Variants in PARL observed in about 807,000 individuals in gnomAD.
The protein encoded by PARL is presenilin associated rhomboid like, also known as presenilin-associated rhomboid-like protein, mitochondrial.
A neutral mutation model predicts 51.6 loss-of-function variants in PARL; 44 were observed. The observed-to-expected ratio is 0.85, with a 90% CI of 0.67 to 1.10. PARL has a LOEUF of 1.10. Among genes scored for constraint, PARL ranks in the 50% least tolerant of loss-of-function variants. The pLI is 0.00. For missense variants in PARL, 441 were observed against 469.5 expected (o/e 0.94, Z 0.56); for synonymous variants, 172 against 164.0 (o/e 1.05, Z -0.37).
intron 1 of PARL, among the ~76,000 whole-genome samples, chr3:183,882,404 C>T (rs372990166): frequency 5.7e-5 from 6 of 105,710 alleles, no homozygotes; most frequent in South Asian, 3.2e-4. Flanking sequence ...CACATATACA[C>T]ACACATATAT....
chr3:183,861,720 A>G (rs545471700), intron 4 of PARL, among the ~76,000 whole-genome samples: 9 of 152,342 alleles, frequency 5.9e-5, no homozygotes, highest in South Asian at 2.1e-4. Flanking sequence ...AGCAAAAGCA[A>G]TATTTTGCAA....
chr3:183,842,385 C>T lies in PARL; in HGVS notation c.670G>A (p.Ala224Thr), dbSNP rs141197365. The change falls in exon 6 of 10, where the codon GCA becomes ACA. Residue 224 changes from alanine to threonine, a missense_variant. Ala to Thr is a moderately conservative substitution (Grantham distance 58). Transcript: ENST00000317096. Reference sequence around the variant, plus strand: ...AAGCTCCACAAAACATACATATTTGCTGCCATGTGAAATAAGGAGAAATGA... The same window carrying T: ...AAGCTCCACAAAACATACATATTTGTTGCCATGTGAAATAAGGAGAAATGA... ...FSHFSLFHMAANMYVLWSFSS... is the reference protein window; with the variant it reads ...FSHFSLFHMATNMYVLWSFSS... 176 of 1,613,364 alleles carry T rather than the reference C, an allele frequency of 1.1e-4. No homozygotes were observed. In the South Asian group the frequency reaches 1.4e-3, roughly 12 times the overall value.
intron 1 of PARL, among the ~76,000 whole-genome samples, chr3:183,881,054 G>T (rs1358956672): frequency 6.6e-6 from 1 of 151,244 alleles, no homozygotes; most frequent in Non-Finnish European, 1.5e-5. Flanking sequence ...AGACTCAAGT[G>T]ATCTTCCTGC....
chr3:183,832,678 C>T (rs1246349471), intron 9 of PARL, among the ~76,000 whole-genome samples: 2 of 152,168 alleles, frequency 1.3e-5, no homozygotes, highest in Non-Finnish European at 2.9e-5. Flanking sequence ...ATCAGATGGA[C>T]GCCAAGAGTC....
At position 183,833,711 on chromosome 3, in the gene PARL, TA is replaced by T; in HGVS notation, c.930+12del. 1 of 1,575,666 alleles carries T rather than the reference TA, an allele frequency of 6.3e-7. No individual in the cohort carries two copies. The highest frequency in any genetic ancestry group is 8.7e-7 in the Non-Finnish European group (1 of 1,144,942). On this transcript the variant is annotated intron_variant, in intron 8 of 9. Coordinates refer to ENST00000317096, the MANE Select transcript of PARL (RefSeq NM_018622.7). ...CCACTATCCCCAGCACTGCACTTCA[TA>T]AAAATACTTACATTCCCTGCTGTGA...
chr3:183,851,513 C>T (rs1031828848), intron 4 of PARL, among the ~76,000 whole-genome samples: 2 of 151,398 alleles, frequency 1.3e-5, no homozygotes, highest in East Asian at 1.9e-4. Context: ...GGCATTTCTC[C>T]GAAGAAGAAT....
downstream of PARL, among the ~76,000 whole-genome samples, chr3:183,827,490 A>AC (rs1727506744): frequency 6.6e-6 from 1 of 152,168 alleles, no homozygotes; most frequent in Non-Finnish European, 1.5e-5. Flanking sequence ...AAGGAATGAC[A>AC]GACATGTTTT....
chr3:183,840,676 G>T, intron 6 of PARL, 36 bp from the exon 7 acceptor site: 4 of 1,048,380 alleles, frequency 3.8e-6, no homozygotes, highest in Non-Finnish European at 5.8e-6. Context: ...ATTTAAGTGA[G>T]GTATAAAAAT....
chr3:183,872,000 ATTTT>A (rs11364933), intron 1 of PARL, among the ~76,000 whole-genome samples: 45 of 122,586 alleles, frequency 3.7e-4, no homozygotes, highest in African/African-American at 1.1e-3. Context: ...CCTAGAATGC[ATTTT>A]TTTTTTTTTT....
chr3:183,833,865 T>A, intron 7 of PARL, 40 bp from the exon 8 acceptor site: 3 of 1,245,648 alleles, frequency 2.4e-6, no homozygotes, highest in Non-Finnish European at 3.6e-6. Flanking sequence ...AAACTCAATA[T>A]GCAACTGCTT....
intron 1 of PARL, among the ~76,000 whole-genome samples, chr3:183,875,415 CAAAAA>C (rs61316689): frequency 6.7e-5 from 4 of 60,136 alleles, no homozygotes; most frequent in East Asian, 4.8e-4. Flanking sequence ...ACTCTGTCTC[CAAAAA>C]AAAAAAAAAA....
chr3:183,840,621 G>A lies in PARL; in HGVS notation c.777C>T (p.Val259=), dbSNP rs144310567. 6 of 1,538,518 alleles carry A rather than the reference G, an allele frequency of 3.9e-6. No homozygotes were observed. The highest frequency in any genetic ancestry group is 5.4e-6 in the Non-Finnish European group (6 of 1,117,146). ...YLSAGVISNF[V]SYVGKVATGR... is the part of the protein sequence containing the mutation. ...CTGTGGCAACTTTACCCACGTAACT[G>A]ACAAAATTGGAAATAACACCTGAAA... Residue 259 remains valine, a synonymous_variant, in exon 7 of 10, where the codon GTC becomes GTT. Coordinates refer to ENST00000317096, the MANE Select transcript of PARL (RefSeq NM_018622.7).
At chr3:183,853,530 C>T (rs1730784648) in intron 4 of PARL, among the ~76,000 whole-genome samples, 1 of 151,828 alleles carries the variant, frequency 6.6e-6, no homozygotes, top group Non-Finnish European at 1.5e-5. Context: ...CTGGTCTGGG[C>T]GAAAGAGCAA....
chr3:183,833,308 T>A (rs969943289), intron 9 of PARL, among the ~76,000 whole-genome samples, 184 bp downstream of exon 9: 1 of 152,160 alleles, frequency 6.6e-6, no homozygotes, highest in Non-Finnish European at 1.5e-5. Flanking sequence ...ATGAGCCAGG[T>A]ATGCTGGGTA....
intron 4 of PARL, among the ~76,000 whole-genome samples, chr3:183,859,609 G>A (rs1299909532): frequency 2.0e-5 from 3 of 152,066 alleles, no homozygotes; most frequent in African/African-American, 4.8e-5. Flanking sequence ...AAAGTGCTGG[G>A]ATTACAGGCA....
At chr3:183,832,025 A>T (rs111971711) in intron 9 of PARL, among the ~76,000 whole-genome samples, 1,667 of 152,288 alleles carry the variant, frequency 0.011, 39 homozygotes, top group African/African-American at 0.039. Context: ...TTTAGAGCTC[A>T]CAAAACAGAA....
chr3:183,845,915 T>C (rs1729894616), intron 4 of PARL, among the ~76,000 whole-genome samples: 1 of 152,206 alleles, frequency 6.6e-6, no homozygotes, highest in African/African-American at 2.4e-5. Context: ...GCCATGATCA[T>C]AAAGATCGGA....
downstream of PARL, among the ~76,000 whole-genome samples, chr3:183,827,915 C>T (rs1272861103): frequency 6.6e-6 from 1 of 152,150 alleles, no homozygotes. Flanking sequence ...AGACGGCAGC[C>T]ACGGCATGTT....
At chr3:183,847,908 T>C (rs1730140211) in intron 4 of PARL, among the ~76,000 whole-genome samples, 1 of 152,210 alleles carries the variant, frequency 6.6e-6, no homozygotes, top group Non-Finnish European at 1.5e-5. Context: ...TTAAGTTTTG[T>C]ATATCTCCAC....
Sources: gnomAD v4.1 joint callset for allele counts (sites outside exome capture counted in the v4.1 genomes callset) on GRCh38, gnomAD v4.1.1 for gene constraint, MANE v1.5 for transcripts, NCBI Gene and HGNC (gene_info 2026-07-23, HGNC 2026-07-21) for gene names.